The following SEPTIN3 variants were observed in gnomAD, a reference collection of about 807,000 sequenced individuals.
SEPTIN3 encodes the protein neuronal-specific septin-3.
SEPTIN3 carries 15 observed loss-of-function variants against 45.1 expected under a neutral mutation model. The ratio of observed to expected loss-of-function variants is 0.33; its 90% CI spans 0.22 to 0.51. The LOEUF is 0.51. Ranked by LOEUF, SEPTIN3 falls within the 20% of genes least tolerant of loss-of-function variation. The probability of loss-of-function intolerance (pLI) is 0.97; values close to 1 mark genes in which losing one functional copy is unlikely to be tolerated. For synonymous variants in SEPTIN3, 148 were observed against 164.8 expected (o/e 0.90, Z 0.78); for missense variants, 289 against 457.2 (o/e 0.63, Z 3.35).
chr22:41,974,689 A>G (rs2077997743), intron 2 of SEPTIN3, among the ~76,000 whole-genome samples: 1 of 150,290 alleles, frequency 6.7e-6, no homozygotes, highest in South Asian at 2.1e-4. Flanking sequence ...AAAAAAAACT[A>G]GCCTGGCCAA....
chr22:41,989,538 C>G (rs1294626398), intron 6 of SEPTIN3, 29 bp from the exon 7 acceptor site: 15 of 1,498,956 alleles, frequency 1.0e-5, no homozygotes, highest in East Asian at 2.3e-5. Context: ...CAAGGTGGCT[C>G]TGATGATTCT....
Position 41,992,232 on chromosome 22 carries a change from A to G in SEPTIN3, c.2260-432A>G, listed in dbSNP as rs180774576. Among the ~76,000 whole-genome samples the G allele has an allele frequency of 2.8e-3, 432 of 152,234 alleles. 4 individuals are homozygous for G. Among genetic ancestry groups the G allele is most frequent in the Non-Finnish European group, 1.9e-3 (129 of 68,006 alleles). On this transcript the variant is annotated intron_variant, in intron 8 of 11. Coordinates refer to ENST00000644076, the MANE Select transcript of SEPTIN3 (RefSeq NM_001363845.2). ...TATCTCTACAAAACCTGCAAAAATT[A>G]GCCAGGCATGGTGGCGCATGCCTGT...
chr22:41,976,907 G>A lies in SEPTIN3; in HGVS notation c.1504+3911G>A. 3.4e-6 allele frequency: 1 copy of A among 295,806 alleles called. No homozygotes were observed. Among genetic ancestry groups the A allele is most frequent in the Non-Finnish European group, 5.1e-6 (1 of 195,010 alleles). The allele number at this position is 295,806 out of a possible 1,614,324, so 18.3% of individuals were successfully genotyped here. A position where few individuals can be genotyped will look rare whatever the true frequency, so the allele number is the denominator to read the frequency against. Reference sequence around the variant, plus strand: ...CGCGGCGGCGCGGGGCGCAGGGGCGGCGCGGCGGGGCCGCGGGCCGGGCGG... The same window carrying A: ...CGCGGCGGCGCGGGGCGCAGGGGCGACGCGGCGGGGCCGCGGGCCGGGCGG... On this transcript the variant is annotated intron_variant, in intron 2 of 11. Coordinates refer to ENST00000644076, the MANE Select transcript of SEPTIN3 (RefSeq NM_001363845.2). The surrounding 1 kb of genome is among the most constrained non-coding windows in gnomAD (Gnocchi z 5.8).
chr22:41,992,841 A>G, intron 9 of SEPTIN3, 78 bp downstream of exon 9: 1 of 938,336 alleles, frequency 1.1e-6, no homozygotes, highest in Non-Finnish European at 1.7e-6. Flanking sequence ...CTATAGGTCA[A>G]GGCACTGTCT....
rs1003309704 is a variant in SEPTIN3 at position 41,995,701 on chromosome 22, G to C, written c.2505+987G>C. ...ACAGGACAGTACAAACAGATTGCCA[G>C]AGAAATCTGGGTCAAAGAAAGGAAT... On this transcript the variant is annotated intron_variant, in intron 11 of 11. Transcript: ENST00000644076. 10 of 985,328 alleles carry C rather than the reference G, an allele frequency of 1.0e-5. No homozygotes were observed. In the African/African-American group the frequency reaches 1.7e-4, roughly 17 times the overall value. The allele number at this position is 985,328 out of a possible 1,614,324, so 61.0% of individuals were successfully genotyped here. A position where few individuals can be genotyped will look rare whatever the true frequency, so the allele number is the denominator to read the frequency against.
At chr22:41,978,930 G>GGAGGAC (rs1465580541) in intron 2 of SEPTIN3, among the ~76,000 whole-genome samples, 1 of 150,596 alleles carries the variant, frequency 6.6e-6, no homozygotes, top group Non-Finnish European at 1.5e-5. Flanking sequence ...AGGAGGAGGA[G>GGAGGAC]GGAGCCAGGG....
chr22:41,981,736 C>G lies in SEPTIN3; in HGVS notation c.1596C>G (p.Ile532Met), dbSNP rs778996077. 7 of 1,614,100 alleles carry G rather than the reference C, an allele frequency of 4.3e-6. No homozygotes were observed. The highest frequency in any genetic ancestry group is 5.9e-6 in the Non-Finnish European group (7 of 1,180,000). The change falls in exon 3 of 12, where the codon ATC (isoleucine) becomes ATG (methionine). Residue 532 changes from isoleucine to methionine, a missense_variant. Physicochemically the swap from Ile to Met is conservative, Grantham distance 10. Transcript: ENST00000644076. ...KPAVPMKPMS[I>M]NSNLLGYIGI... ...CGGTGCCCATGAAGCCCATGAGCAT[C>G]AACTCCAACCTGCTGGGCTACATCG...
At position 41,994,091 on chromosome 22, in the gene SEPTIN3, A is replaced by C. The variant is rs145151640; in HGVS notation, c.2360-199A>C. ...CAGCGTCTAGAAGGATGTCGTGCCC[A>C]TTGTAGCTGCTTAATATTTGTTCAA... On this transcript the variant is annotated intron_variant, in intron 9 of 11. Transcript: ENST00000644076. This position sits in a 1 kb window ranked among gnomAD's most constrained non-coding sequence, Gnocchi z 4.2. 6.6e-6 allele frequency among the ~76,000 whole-genome samples: 1 copy of C among 152,294 alleles called. No homozygotes were observed. The highest frequency in any genetic ancestry group is 6.5e-5 in the Admixed American group (1 of 15,304).
rs775773434 is a variant in SEPTIN3, at chr22:41,981,730, G to A, written c.1590G>A (p.Met530Ile). The A allele has an allele frequency of 5.0e-6, 8 of 1,614,074 alleles. No homozygotes were observed. In the Admixed American group the frequency reaches 8.3e-5, roughly 17 times the overall value. The change falls in exon 3 of 12, where the codon ATG becomes ATA. Residue 530 changes from methionine (M) to isoleucine (I), a missense_variant. By Grantham distance (10) the Met-to-Ile change is conservative. This residue lies in a region of SEPTIN3 where 200 missense variants were observed against 315.1 expected (regional missense o/e 0.63). Coordinates refer to ENST00000644076, the MANE Select transcript of SEPTIN3 (RefSeq NM_001363845.2). The part of the protein sequence containing the change: ...RPKPAVPMKP[M>I]SINSNLLGYI... ...AGCCAGCGGTGCCCATGAAGCCCAT[G>A]AGCATCAACTCCAACCTGCTGGGCT... is the stretch of plus-strand genomic sequence containing the variant.
chr22:41,980,584 C>T (rs2078105921), intron 2 of SEPTIN3, among the ~76,000 whole-genome samples: 1 of 152,150 alleles, frequency 6.6e-6, no homozygotes. Flanking sequence ...GAGCCAGGCT[C>T]TTTCCACTTC....
At chr22:41,983,118 C>T (rs2078148569) in intron 3 of SEPTIN3, among the ~76,000 whole-genome samples, 1 of 152,218 alleles carries the variant, frequency 6.6e-6, no homozygotes, top group Non-Finnish European at 1.5e-5. Flanking sequence ...TTTCTCTCAC[C>T]TGGCTTGCCG....
chr22:41,969,918 T>A (rs1416401573), intron 1 of SEPTIN3, among the ~76,000 whole-genome samples: 1 of 151,890 alleles, frequency 6.6e-6, no homozygotes, highest in Non-Finnish European at 1.5e-5. Flanking sequence ...GATGTGGCTG[T>A]GCAGGAGGGG....
At chr22:41,978,537 TG>T (rs1189633554) in intron 2 of SEPTIN3, among the ~76,000 whole-genome samples, 1 of 152,132 alleles carries the variant, frequency 6.6e-6, no homozygotes, top group African/African-American at 2.4e-5. Context: ...GACGTTGACA[TG>T]GTGGGACCAG....
intron 4 of SEPTIN3, among the ~76,000 whole-genome samples, chr22:41,986,590 C>T (rs1463613045): frequency 6.6e-6 from 1 of 152,068 alleles, no homozygotes; most frequent in Non-Finnish European, 1.5e-5. Flanking sequence ...AGCTCCACCT[C>T]CCGGGTTCAC....
chr22:41,990,618 T>C lies in SEPTIN3; in HGVS notation c.2163+934T>C, dbSNP rs573524793. The stretch of plus-strand genomic sequence containing the variant: ...AAAATTAGCCGGGTGTGGTGGCGGG[T>C]GCCTGTAGTCCCAGCTACTCAGGAG... On this transcript the variant is annotated intron_variant, in intron 7 of 11. Coordinates refer to ENST00000644076, the MANE Select transcript of SEPTIN3 (RefSeq NM_001363845.2). 3.8e-3 allele frequency among the ~76,000 whole-genome samples: 566 copies of C among 149,718 alleles called. 1 individual carries two copies. The highest frequency in any genetic ancestry group is 7.0e-3 in the Middle Eastern group (2 of 284).
At chr22:41,989,431 G>C (rs746943579) in intron 6 of SEPTIN3, 136 bp from the exon 7 acceptor site, 1 of 662,572 alleles carries the variant, frequency 1.5e-6, no homozygotes, top group Non-Finnish European at 2.8e-6. Context: ...TGTCGGAGAC[G>C]AGAGGTAGCA....
intron 3 of SEPTIN3, 55 bp downstream of exon 3, chr22:41,981,891 C>A: frequency 6.7e-7 from 1 of 1,495,872 alleles, no homozygotes. Context: ...ACCAAGGATC[C>A]CATTTCTTTC....
intron 3 of SEPTIN3, among the ~76,000 whole-genome samples, chr22:41,983,529 CT>C (rs1318620132): frequency 2.0e-5 from 3 of 152,230 alleles, no homozygotes; most frequent in Non-Finnish European, 4.4e-5. Flanking sequence ...AACTCGTAGA[CT>C]GTCCTGATTG....
rs1569439349 is a variant in SEPTIN3, at chr22:41,987,609, C to G, written c.1908-13C>G. 1.9e-6 allele frequency: 3 copies of G among 1,603,468 alleles called. No homozygotes were observed. The highest frequency in any genetic ancestry group is 1.7e-6 in the Non-Finnish European group (2 of 1,171,434). On this transcript the variant is annotated splice_polypyrimidine_tract_variant and intron_variant, in intron 5 of 11. Coordinates refer to ENST00000644076, the MANE Select transcript of SEPTIN3 (RefSeq NM_001363845.2). ...TTCTTCTGATGCATCTATCTACTTT[C>G]CCTCCCCATCAGCTGGGAGCCCATT...
Sources: gnomAD v4.1 joint callset for allele counts (sites outside exome capture counted in the v4.1 genomes callset) on GRCh38, gnomAD v4.1.1 for gene constraint, gnomAD v4.1.1 regional missense constraint, Gnocchi (gnomAD v3.1) non-coding constraint, MANE v1.5 for transcripts, NCBI Gene and HGNC (gene_info 2026-07-23, HGNC 2026-07-21) for gene names.